Variants in APMAP observed in about 807,000 individuals in gnomAD.
The protein encoded by APMAP is adipocyte plasma membrane associated protein, also known as adipocyte plasma membrane-associated protein.
Under a neutral mutation model 43.6 loss-of-function variants are expected in APMAP, and 33 were observed. The observed-to-expected ratio is 0.76, with a 90% CI of 0.57 to 1.01. The LOEUF (loss-of-function observed/expected upper bound fraction) is 1.01, where lower values mean the gene tolerates loss of function less well. Ranked by LOEUF, APMAP falls within the 50% of genes least tolerant of loss-of-function variation. The pLI is 0.00. For synonymous variants in APMAP, 224 were observed against 216.7 expected, an observed-to-expected ratio of 1.03 and a Z score of -0.30; for missense variants, 498 against 540.7, an observed-to-expected ratio of 0.92 and a Z score of 0.78.
intron 8 of APMAP, among the ~76,000 whole-genome samples, chr20:24,967,549 C>T (rs913409678): frequency 2.0e-5 from 3 of 152,198 alleles, no homozygotes; most frequent in Admixed American, 6.5e-5. Flanking sequence ...ATGAACTAAA[C>T]AGAAAAACAC....
intron 1 of APMAP, among the ~76,000 whole-genome samples, chr20:24,985,995 A>C (rs1214518959): frequency 6.6e-6 from 1 of 152,184 alleles, no homozygotes; most frequent in Non-Finnish European, 1.5e-5. Flanking sequence ...TCCTGCAGTT[A>C]TGTGAAAAGC....
intron 1 of APMAP, among the ~76,000 whole-genome samples, chr20:24,988,418 A>G (rs1013156348): frequency 5.3e-5 from 8 of 152,212 alleles, no homozygotes; most frequent in Admixed American, 2.0e-4. Flanking sequence ...ATTATGTCCC[A>G]AACAAAAAGT....
chr20:24,965,673 G>A (rs1663963082), intron 8 of APMAP, among the ~76,000 whole-genome samples: 1 of 152,246 alleles, frequency 6.6e-6, no homozygotes. Context: ...CAGCCCTTGA[G>A]GCGAAAGGCA....
chr20:24,991,310 T>C lies in APMAP; in HGVS notation c.95+1284A>G, dbSNP rs148897402. Among the ~76,000 whole-genome samples the C allele has an allele frequency of 9.2e-3, 1,403 of 152,318 alleles. 14 individuals are homozygous for C. The highest frequency in any genetic ancestry group is 0.013 in the Non-Finnish European group (858 of 68,030). On this transcript the variant is annotated intron_variant, in intron 1 of 8. Transcript: ENST00000217456. ...TGGCTCCTCAATCATCAACAGATGATTAATTCACAATATTCACAGTAAGTA... is the reference window on the plus strand; with the variant it reads ...TGGCTCCTCAATCATCAACAGATGACTAATTCACAATATTCACAGTAAGTA...
intron 1 of APMAP, among the ~76,000 whole-genome samples, chr20:24,989,577 TACCAGCAACCTC>T (rs1363652391): frequency 7.9e-5 from 12 of 152,142 alleles, no homozygotes; most frequent in African/African-American, 2.9e-4. Flanking sequence ...ATCCATGGGG[TACCAGCAACCTC>T]ATGTGTCAAG....
At chr20:24,986,267 A>G (rs1482183687) in intron 1 of APMAP, among the ~76,000 whole-genome samples, 9 of 152,200 alleles carry the variant, frequency 5.9e-5, no homozygotes, top group Non-Finnish European at 1.5e-5. Flanking sequence ...CTCACCCCGT[A>G]CACCTGAGGC....
Position 24,968,891 on chromosome 20 carries a change from C to T in APMAP, c.1041+1G>A, listed in dbSNP as rs372310304. 2 of 1,581,904 alleles carry T rather than the reference C, an allele frequency of 1.3e-6. No homozygotes were observed. The highest frequency in any genetic ancestry group is 2.7e-5 in the African/African-American group (2 of 73,474). ...CTTGGAATAACAGTTTTCACAGTTA[C>T]CTTAAAAATCATCCTTTTAATCCAG... On this transcript the variant is annotated splice_donor_variant, in intron 8 of 8. Transcript: ENST00000217456. LOFTEE classifies it high-confidence loss of function.
At chr20:24,979,575 C>T (rs966927666) in intron 2 of APMAP, among the ~76,000 whole-genome samples, 1 of 152,170 alleles carries the variant, frequency 6.6e-6, no homozygotes. Context: ...TGAAAAGACA[C>T]CATTGAACCC....
chr20:24,992,644 C>T lies in APMAP; in HGVS notation c.45G>A (p.Pro15=), dbSNP rs755768060. ...DGLRQRRPLR[P]QVVTDDDGQA... The stretch of plus-strand genomic sequence containing the variant: ...GGCCATCATCGTCTGTGACGACCTG[C>T]GGCCGCAGGGGCCGGCGCTGTCGCA... The change falls in exon 1 of 9, where the codon CCG becomes CCA. Residue 15 remains proline (P), a synonymous_variant. Transcript: ENST00000217456. 3.2e-6 allele frequency: 5 copies of T among 1,566,748 alleles called. No homozygotes were observed. The highest frequency in any genetic ancestry group is 1.4e-5 in the African/African-American group (1 of 73,262).
At chr20:24,978,085 A>G (rs1312966471) in intron 3 of APMAP, among the ~76,000 whole-genome samples, 1 of 152,240 alleles carries the variant, frequency 6.6e-6, no homozygotes, top group Non-Finnish European at 1.5e-5. Flanking sequence ...GTGCTTCAGA[A>G]TAACAAGCGG....
chr20:24,979,759 C>A (rs753705751), intron 2 of APMAP, among the ~76,000 whole-genome samples: 14 of 152,160 alleles, frequency 9.2e-5, no homozygotes, highest in Admixed American at 7.2e-4. Flanking sequence ...CAAGTCCTGG[C>A]AGCAGCCTCT....
intron 1 of APMAP, among the ~76,000 whole-genome samples, chr20:24,986,487 ATCT>A (rs1196255153): frequency 2.6e-5 from 4 of 152,200 alleles, no homozygotes; most frequent in Non-Finnish European, 5.9e-5. Context: ...GGACCAAATA[ATCT>A]TCTTCTAATG....
Position 24,992,740 on chromosome 20 carries a change from G to A in APMAP, c.-52C>T, listed in dbSNP as rs529551014. 31 of 1,362,994 alleles carry A rather than the reference G, an allele frequency of 2.3e-5. No homozygotes were observed. The highest frequency in any genetic ancestry group is 5.8e-5 in the East Asian group (2 of 34,444). 84.4% of individuals were successfully genotyped at this position (1,362,994 alleles called of 1,614,324 possible). A position where few individuals can be genotyped will look rare whatever the true frequency, so the allele number is the denominator to read the frequency against. ...AAACCACCTCACACTGAGCGGCGCC[G>A]GCTCAGACTCCAGGCCCGCCCTCCC... On this transcript the variant is annotated 5_prime_UTR_variant, in exon 1 of 9. Coordinates refer to ENST00000217456, the MANE Select transcript of APMAP (RefSeq NM_020531.3).
At chr20:24,969,382 C>T (rs918917915) in intron 7 of APMAP, 144 bp downstream of exon 7, 19 of 1,331,050 alleles carry the variant, frequency 1.4e-5, no homozygotes, top group Non-Finnish European at 1.8e-5. Context: ...AGAAAGAAAG[C>T]GCACCCTTGA....
At chr20:24,974,671 T>C (rs1276127355) in intron 3 of APMAP, among the ~76,000 whole-genome samples, 4 of 152,140 alleles carry the variant, frequency 2.6e-5, no homozygotes, top group Non-Finnish European at 5.9e-5. Flanking sequence ...ATGTTAACAC[T>C]AACCAAAAGC....
intron 1 of APMAP, among the ~76,000 whole-genome samples, chr20:24,988,671 CT>C (rs1000523543): frequency 5.9e-5 from 9 of 152,184 alleles, no homozygotes; most frequent in African/African-American, 2.2e-4. Context: ...CCTGCGAACT[CT>C]TTCATCGGTT....
intron 1 of APMAP, among the ~76,000 whole-genome samples, chr20:24,988,900 C>G (rs929359039): frequency 6.6e-6 from 1 of 152,214 alleles, no homozygotes; most frequent in South Asian, 2.1e-4. Context: ...TAGCTACTAG[C>G]CATGTGTGGT....
chr20:24,983,511 G>A (rs1441448452), intron 2 of APMAP, among the ~76,000 whole-genome samples: 1 of 152,002 alleles, frequency 6.6e-6, no homozygotes, highest in African/African-American at 2.4e-5. Flanking sequence ...AGGTAACTTA[G>A]GAAAAAAAGA....
chr20:24,969,150 A>G, intron 7 of APMAP, 66 bp from the exon 8 acceptor site: 7 of 1,455,298 alleles, frequency 4.8e-6, no homozygotes, highest in Non-Finnish European at 6.5e-6. Context: ...AATTTTAGCC[A>G]AGCACCAAAC....
Sources: allele counts gnomAD v4.1 joint callset (sites outside exome capture counted in the v4.1 genomes callset), GRCh38; gene constraint gnomAD v4.1.1; transcripts MANE v1.5; gene names NCBI Gene and HGNC (gene_info 2026-07-23, HGNC 2026-07-21).